The following RBM19 variants were observed in gnomAD, a reference collection of about 807,000 sequenced individuals.
The protein encoded by RBM19 is probable RNA-binding protein 19.
Under a neutral mutation model 116.8 loss-of-function variants are expected in RBM19, and 94 were observed. The observed-to-expected ratio is 0.80, with a 90% CI of 0.68 to 0.95. The LOEUF is 0.95. Among genes scored for constraint, RBM19 ranks in the 40% least tolerant of loss-of-function variants. The pLI, the probability that RBM19 is intolerant of heterozygous loss-of-function variation, is 0.00. For missense variants in RBM19, 1,161 were observed against 1,220.7 expected, an observed-to-expected ratio of 0.95 and a Z score of 0.73; for synonymous variants, 475 against 494.1, an observed-to-expected ratio of 0.96 and a Z score of 0.51.
At chr12:113,925,741 T>C (rs1005587012) in intron 17 of RBM19, among the ~76,000 whole-genome samples, 14 of 152,196 alleles carry the variant, frequency 9.2e-5, no homozygotes, top group Non-Finnish European at 1.8e-4. Context: ...GGCTATGACT[T>C]CCAGCTCCAG....
intron 23 of RBM19, among the ~76,000 whole-genome samples, chr12:113,836,748 T>C (rs1413698086): frequency 6.6e-6 from 1 of 152,028 alleles, no homozygotes; most frequent in East Asian, 1.9e-4. Flanking sequence ...AGGTGGCATC[T>C]GTGGCCAGAT....
chr12:113,904,593 A>G (rs940958819), intron 21 of RBM19, among the ~76,000 whole-genome samples: 1 of 152,164 alleles, frequency 6.6e-6, no homozygotes, highest in Non-Finnish European at 1.5e-5. Context: ...ATAGGCAGAG[A>G]ATGCAGCAGC....
intron 18 of RBM19, among the ~76,000 whole-genome samples, chr12:113,924,359 T>C (rs928436656): frequency 6.6e-6 from 1 of 152,238 alleles, no homozygotes; most frequent in Non-Finnish European, 1.5e-5. Context: ...ACAAAAGTGC[T>C]GGGAGGAGGC....
intron 16 of RBM19, among the ~76,000 whole-genome samples, chr12:113,934,303 G>A (rs561649685): frequency 2.0e-5 from 3 of 152,328 alleles, no homozygotes; most frequent in South Asian, 4.1e-4. Flanking sequence ...CTCAGAGGGC[G>A]GGGCGGATAT....
At chr12:113,947,724 C>A (rs888924967) in intron 10 of RBM19, among the ~76,000 whole-genome samples, 4 of 152,258 alleles carry the variant, frequency 2.6e-5, no homozygotes, top group African/African-American at 9.6e-5. Context: ...CACAACAGTA[C>A]CTAGCTCATG....
intron 3 of RBM19, 38 bp downstream of exon 3, chr12:113,960,021 G>A (rs1268342237): frequency 6.2e-7 from 1 of 1,614,010 alleles, no homozygotes; most frequent in Non-Finnish European, 8.5e-7. Flanking sequence ...CTACCCTGCT[G>A]GCAGTGGGGA....
At position 113,826,442 on chromosome 12, in the gene RBM19, C is replaced by G. The variant is rs534716966; in HGVS notation, c.2786-3121G>C. Reference sequence around the variant, plus strand: ...GTGAATGACAGGGAAAATTGAGGGTCAAGTAGTGTAGGTTGCTGAAGGACA... The same window carrying G: ...GTGAATGACAGGGAAAATTGAGGGTGAAGTAGTGTAGGTTGCTGAAGGACA... On this transcript the variant is annotated intron_variant, in intron 23 of 23. Coordinates refer to ENST00000261741, the MANE Select transcript of RBM19 (RefSeq NM_016196.4). Among the ~76,000 whole-genome samples the G allele has an allele frequency of 1.1e-4, 16 of 152,300 alleles. No homozygotes were observed. In the East Asian group the frequency reaches 2.7e-3, roughly 26 times the overall value.
chr12:113,845,611 C>A (rs951447871), intron 22 of RBM19, among the ~76,000 whole-genome samples: 3 of 152,052 alleles, frequency 2.0e-5, no homozygotes, highest in Admixed American at 6.6e-5. Flanking sequence ...GCTAGCAGTC[C>A]CCCAGCCCCT....
intron 20 of RBM19, 37 bp downstream of exon 20, chr12:113,918,355 G>C (rs116221899): frequency 6.2e-7 from 1 of 1,611,358 alleles, no homozygotes; most frequent in East Asian, 2.2e-5. Flanking sequence ...GGAAGCCCCA[G>C]CTCGTAGGAA....
intron 21 of RBM19, among the ~76,000 whole-genome samples, chr12:113,904,265 T>C (rs912954929): frequency 6.6e-6 from 1 of 152,198 alleles, no homozygotes; most frequent in African/African-American, 2.4e-5. Flanking sequence ...TGATGCTTGC[T>C]GAAGATAGGC....
chr12:113,827,566 G>A (rs550123006), intron 23 of RBM19, among the ~76,000 whole-genome samples: 178 of 152,242 alleles, frequency 1.2e-3, no homozygotes, highest in African/African-American at 4.2e-3. Context: ...CGCTTCTTGG[G>A]GTTTTGTTCT....
intron 21 of RBM19, among the ~76,000 whole-genome samples, chr12:113,893,889 T>C (rs559750776): frequency 1.3e-5 from 2 of 152,346 alleles, no homozygotes; most frequent in East Asian, 1.9e-4. Context: ...GCTACTGTAC[T>C]GGACAGCGTA....
chr12:113,856,464 T>C (rs920327886), intron 22 of RBM19, among the ~76,000 whole-genome samples: 4 of 152,232 alleles, frequency 2.6e-5, no homozygotes, highest in East Asian at 1.9e-4. Flanking sequence ...GGACCCTCCA[T>C]GTCCCAAGGG....
chr12:113,819,112 G>C (rs1376844357), downstream of RBM19, among the ~76,000 whole-genome samples: 1 of 152,210 alleles, frequency 6.6e-6, no homozygotes, highest in African/African-American at 2.4e-5. Context: ...AAGGGGCCAG[G>C]CCCCTGAGAC....
chr12:113,957,676 T>C, intron 6 of RBM19, 106 bp downstream of exon 6: 2 of 1,448,800 alleles, frequency 1.4e-6, no homozygotes, highest in Non-Finnish European at 9.1e-7. Context: ...ACTGCAGAGC[T>C]GCGTCTTTCC....
intron 21 of RBM19, among the ~76,000 whole-genome samples, chr12:113,862,034 G>A (rs550546419): frequency 2.0e-5 from 3 of 152,352 alleles, no homozygotes; most frequent in African/African-American, 7.2e-5. Flanking sequence ...TCTAAGAACA[G>A]GACATGAGAG....
rs1219189007 is a variant in RBM19, at chr12:113,903,843, A to G, written c.2558+11126T>C. Among the ~76,000 whole-genome samples the G allele has an allele frequency of 1.3e-5, 2 of 152,130 alleles. No individual in the cohort carries two copies. The highest frequency in any genetic ancestry group is 2.4e-5 in the African/African-American group (1 of 41,418). ...GTTCCTGTCTCTCCCTCCTAAAATA[A>G]GAGGACATACTTACTCACTTTACCC... On this transcript the variant is annotated intron_variant, in intron 21 of 23. Coordinates refer to ENST00000261741, the MANE Select transcript of RBM19 (RefSeq NM_016196.4). This position sits in a 1 kb window ranked among gnomAD's most constrained non-coding sequence, Gnocchi z 5.1.
intron 21 of RBM19, among the ~76,000 whole-genome samples, chr12:113,878,297 CTATT>C (rs1879814711): frequency 6.6e-6 from 1 of 152,164 alleles, no homozygotes; most frequent in Non-Finnish European, 1.5e-5. Context: ...TCCTCACTCC[CTATT>C]TGTTTTCCTT....
intron 23 of RBM19, among the ~76,000 whole-genome samples, chr12:113,833,076 C>T (rs1397652872): frequency 6.6e-6 from 1 of 152,172 alleles, no homozygotes; most frequent in African/African-American, 2.4e-5. Context: ...ATAGATCTAT[C>T]TGCCTGACAT....
Sources: gnomAD v4.1 joint callset for allele counts (sites outside exome capture counted in the v4.1 genomes callset) on GRCh38, gnomAD v4.1.1 for gene constraint, Gnocchi (gnomAD v3.1) non-coding constraint, MANE v1.5 for transcripts, NCBI Gene and HGNC (gene_info 2026-07-23, HGNC 2026-07-21) for gene names.